SMIM29: variants seen among roughly 807,000 people sequenced by gnomAD.
The protein encoded by SMIM29 is small integral membrane protein 29.
A neutral mutation model predicts 12.9 loss-of-function variants in SMIM29; 4 were observed. The observed-to-expected ratio is 0.31, with a 90% CI of 0.15 to 0.71. The LOEUF (loss-of-function observed/expected upper bound fraction) is 0.71. Among genes scored for constraint, SMIM29 ranks in the 30% least tolerant of loss-of-function variants. The pLI, the probability that SMIM29 is intolerant of heterozygous loss-of-function variation, is 0.70. For missense variants in SMIM29, 122 were observed against 138.1 expected (o/e 0.88, Z 0.58); for synonymous variants, 50 against 52.0 (o/e 0.96, Z 0.17).
At chr6:34,248,699 G>A in intron 1 of SMIM29, 1 of 985,536 alleles carries the variant, frequency 1.0e-6, no homozygotes, top group South Asian at 4.7e-5. Flanking sequence ...CGTGTCCGTA[G>A]GGCACGGGGC....
chr6:34,247,771 G>T lies in SMIM29; in HGVS notation c.21C>A (p.Pro7=). The change falls in exon 2 of 5, where the codon CCC becomes CCA. Residue 7 remains proline (P), a synonymous_variant. Transcript: ENST00000476320. ...AGTCGCTGTTGGCCTGGGGGGCATT[G>T]GGCACAGTGGTGTTACTCATGACAT... is the stretch of plus-strand genomic sequence containing the variant. MSNTTV[P]NAPQANSDSM... is the part of the protein sequence containing the mutation. 1 of 1,344,044 alleles carries T rather than the reference G, an allele frequency of 7.4e-7. No homozygotes were observed. The highest frequency in any genetic ancestry group is 9.5e-7 in the Non-Finnish European group (1 of 1,053,476). The allele number at this position is 1,344,044 out of a possible 1,614,324, so 83.3% of individuals were successfully genotyped here. A position where few individuals can be genotyped will look rare whatever the true frequency, so the allele number is the denominator to read the frequency against.
rs976912566 is a variant in SMIM29 at position 34,247,239 on chromosome 6, G to A, written c.138-90C>T. 2.7e-5 allele frequency: 43 copies of A among 1,602,170 alleles called. 1 individual carries two copies. In the African/African-American group the frequency reaches 3.5e-4, roughly 13 times the overall value. ...CTCGTCTCCTCCCTTTCCCAGGCAG[G>A]GGCAATTCCAGTGGGTGCCTTTTGG... On this transcript the variant is annotated intron_variant, in intron 3 of 4. Transcript: ENST00000476320.
chr6:34,248,762 A>G, intron 1 of SMIM29: 10 of 985,634 alleles, frequency 1.0e-5, no homozygotes, highest in Non-Finnish European at 1.2e-5. Flanking sequence ...TCAAGGGGGC[A>G]TGCCAGGGTG....
intron 1 of SMIM29, 46 bp from the exon 2 acceptor site, chr6:34,247,910 C>T: frequency 8.0e-7 from 1 of 1,244,152 alleles, no homozygotes; most frequent in Non-Finnish European, 1.0e-6. Context: ...AGGTGACATC[C>T]AGACTCTGGA....
rs1239948630 is a variant in SMIM29, at chr6:34,246,522, A to G, written c.*281T>C. On this transcript the variant is annotated 3_prime_UTR_variant, in exon 5 of 5. Transcript: ENST00000476320. ...AGCCCAGCCCAGGAGGGCTAGAGAA[A>G]GCAAAGGTGTCTACCAGCCGCCCCC... 6.5e-7 allele frequency: 1 copy of G among 1,549,352 alleles called. No individual in the cohort carries two copies. Among genetic ancestry groups the G allele is most frequent in the East Asian group, 2.3e-5 (1 of 44,302 alleles).
Position 34,247,121 on chromosome 6 carries a change from G to C in SMIM29, c.166C>G (p.Pro56Ala). The C allele has an allele frequency of 1.2e-6, 2 of 1,614,102 alleles. No homozygotes were observed. Among genetic ancestry groups the C allele is most frequent in the Non-Finnish European group, 1.7e-6 (2 of 1,180,020 alleles). ...RVDRLRHHLL[P>A]MYSYDPAEEL... ...TCAGCTGGGTCATAGCTGTACATGGGGAGCAGGTGATGGCGCAGCCGGTCC... is the reference window on the plus strand; with the variant it reads ...TCAGCTGGGTCATAGCTGTACATGGCGAGCAGGTGATGGCGCAGCCGGTCC... The change falls in exon 4 of 5, where the codon CCC becomes GCC. Residue 56 changes from proline (P) to alanine (A), a missense_variant. By Grantham distance (27) the Pro-to-Ala change is conservative. Coordinates refer to ENST00000476320, the MANE Select transcript of SMIM29 (RefSeq NM_001008703.4).
chr6:34,246,405 A>G lies in SMIM29; in HGVS notation c.*398T>C, dbSNP rs1762752963. 3 of 1,267,496 alleles carry G rather than the reference A, an allele frequency of 2.4e-6. No individual in the cohort carries two copies. Among genetic ancestry groups the G allele is most frequent in the Non-Finnish European group, 3.1e-6 (3 of 960,552 alleles). The allele number at this position is 1,267,496 out of a possible 1,614,324, so 78.5% of individuals were successfully genotyped here. ...TGAAATCAAAACCCCTAGCCACAAA[A>G]CATTTTATTTACAAAATATATACTG... is the stretch of plus-strand genomic sequence containing the variant. On this transcript the variant is annotated 3_prime_UTR_variant, in exon 5 of 5. Transcript: ENST00000476320.
At chr6:34,248,280 C>T (rs1432275858) in intron 1 of SMIM29, 8 of 985,356 alleles carry the variant, frequency 8.1e-6, no homozygotes, top group Non-Finnish European at 9.6e-6. Flanking sequence ...TGCACTGCAG[C>T]CAGGGGTGAG....
In SMIM29 at chr6:34,246,933, T is replaced by TA. The variant is rs3216050; in HGVS notation, c.244-66dup. 4,553 of 1,600,372 alleles carry TA rather than the reference T, an allele frequency of 2.8e-3. 66 individuals are homozygous for TA. The East Asian group carries it at 0.033, about 12-fold the overall frequency. On this transcript the variant is annotated intron_variant, in intron 4 of 4. Coordinates refer to ENST00000476320, the MANE Select transcript of SMIM29 (RefSeq NM_001008703.4). ...TCCCTGGGAGTCTGCAGCACCCAGT[T>TA]ACAGCCCAAGTAAGCAGAACCAGGC...
In SMIM29 at chr6:34,247,142, G is replaced by C; in HGVS notation, c.145C>G (p.Arg49Gly). Residue 49 changes from arginine (R) to glycine (G), a missense_variant, in exon 4 of 5, where the codon CGG becomes GGG. Coordinates refer to ENST00000476320, the MANE Select transcript of SMIM29 (RefSeq NM_001008703.4). ...MYVQKKKRVD[R>G]LRHHLLPMYS... ...ATGGGGAGCAGGTGATGGCGCAGCC[G>C]GTCCACCCTGGGGAGCAGGGGAGGG... 1.2e-6 allele frequency: 2 copies of C among 1,613,992 alleles called. No homozygotes were observed. The highest frequency in any genetic ancestry group is 1.1e-5 in the South Asian group (1 of 91,086).
In SMIM29 at chr6:34,247,914, C is replaced by T. The variant is rs960631406; in HGVS notation, c.-73-50G>A. On this transcript the variant is annotated intron_variant, in intron 1 of 4. Coordinates refer to ENST00000476320, the MANE Select transcript of SMIM29 (RefSeq NM_001008703.4). ...CAGTTGCACCCAGGTGACATCCAGACTCTGGATCCCTCCCCCAGAGCTGAA... is the reference window on the plus strand; with the variant it reads ...CAGTTGCACCCAGGTGACATCCAGATTCTGGATCCCTCCCCCAGAGCTGAA... 14 of 1,240,572 alleles carry T rather than the reference C, an allele frequency of 1.1e-5. No individual in the cohort carries two copies. The South Asian group carries it at 2.8e-4, about 24-fold the overall frequency. The allele number at this position is 1,240,572 out of a possible 1,614,324, so 76.8% of individuals were successfully genotyped here.
In SMIM29 at chr6:34,246,807, G is replaced by T. The variant is rs139659141; in HGVS notation, c.305C>A (p.Thr102Lys). 6.2e-7 allele frequency: 1 copy of T among 1,612,796 alleles called. No homozygotes were observed. Among genetic ancestry groups the T allele is most frequent in the Non-Finnish European group, 8.5e-7 (1 of 1,179,928 alleles). ...HKRMPLLDVK[T>K] ...GGGTGGGGCAAGGGGGTCAGGTCAC[G>T]TCTTGACATCCAGCAGTGGCATCCG... Residue 102 changes from threonine to lysine, a missense_variant, in exon 5 of 5, where the codon ACG (threonine) becomes AAG (lysine). Coordinates refer to ENST00000476320, the MANE Select transcript of SMIM29 (RefSeq NM_001008703.4).
Position 34,247,128 on chromosome 6 carries a change from G to A in SMIM29, c.159C>T (p.His53=). 6.2e-7 allele frequency: 1 copy of A among 1,614,114 alleles called. No homozygotes were observed. Among genetic ancestry groups the A allele is most frequent in the Non-Finnish European group, 8.5e-7 (1 of 1,180,020 alleles). The change falls in exon 4 of 5, where the codon CAC becomes CAT. Residue 53 remains histidine (H), a synonymous_variant. Coordinates refer to ENST00000476320, the MANE Select transcript of SMIM29 (RefSeq NM_001008703.4). ...KKKRVDRLRH[H]LLPMYSYDPA... ...GGTCATAGCTGTACATGGGGAGCAG[G>A]TGATGGCGCAGCCGGTCCACCCTGG...
In SMIM29 at chr6:34,246,860, A is replaced by G. The variant is rs777675776; in HGVS notation, c.252T>C (p.His84=). The G allele has an allele frequency of 3.7e-6, 6 of 1,608,276 alleles. No homozygotes were observed. The highest frequency in any genetic ancestry group is 5.1e-6 in the Non-Finnish European group (6 of 1,176,602). ...LSDMGDPKVV[H]GWQSGYQHKR... is the part of the protein sequence containing the mutation. ...TGTGCTGGTAGCCACTCTGCCAGCC[A>G]TGTACCACCTGTCGGGGAGGAGACC... Residue 84 remains histidine (H), a synonymous_variant, in exon 5 of 5, where the codon CAT becomes CAC. Coordinates refer to ENST00000476320, the MANE Select transcript of SMIM29 (RefSeq NM_001008703.4).
At chr6:34,248,796 G>C (rs1254926393) in intron 1 of SMIM29, 183 bp downstream of exon 1, 17 of 985,702 alleles carry the variant, frequency 1.7e-5, no homozygotes, top group Non-Finnish European at 2.0e-5. Context: ...GCCGCTGCTA[G>C]GATGCGGGCC....
chr6:34,248,266 G>A (rs1208572150), intron 1 of SMIM29: 6 of 985,342 alleles, frequency 6.1e-6, no homozygotes, highest in Non-Finnish European at 7.2e-6. Flanking sequence ...CTAAAGGAAG[G>A]ACCTGCACTG....
chr6:34,246,712 G>A lies in SMIM29; in HGVS notation c.*91C>T, dbSNP rs1762788474. ...AGAAATGGAGACCCAGCACCCAGCA[G>A]GGGGAGCCAGGTGACAGCAGGGGAA... is the stretch of plus-strand genomic sequence containing the variant. On this transcript the variant is annotated 3_prime_UTR_variant, in exon 5 of 5. Transcript: ENST00000476320. 2 of 1,613,616 alleles carry A rather than the reference G, an allele frequency of 1.2e-6. No individual in the cohort carries two copies. Among genetic ancestry groups the A allele is most frequent in the African/African-American group, 2.7e-5 (2 of 74,928 alleles).
intron 1 of SMIM29, chr6:34,248,654 C>A (rs1762898852): frequency 1.0e-6 from 1 of 985,514 alleles, no homozygotes; most frequent in East Asian, 1.1e-4. Context: ...TCGCTTGAGT[C>A]TCTATCAGAG....
intron 2 of SMIM29, 67 bp downstream of exon 2, chr6:34,247,614 A>T: frequency 6.9e-7 from 1 of 1,456,072 alleles, no homozygotes; most frequent in Non-Finnish European, 9.0e-7. Flanking sequence ...TGCAGACTGG[A>T]CCAGGCCCAC....
Sources: gnomAD v4.1 joint callset for allele counts on GRCh38, gnomAD v4.1.1 for gene constraint, MANE v1.5 for transcripts, NCBI Gene and HGNC (gene_info 2026-07-23, HGNC 2026-07-21) for gene names.